The following ABI3BP variants were observed in gnomAD, a reference collection of about 807,000 sequenced individuals.
The protein encoded by ABI3BP is target of Nesh-SH3.
ABI3BP carries 216 observed loss-of-function variants against 268.6 expected under a neutral mutation model. The ratio of observed to expected loss-of-function variants is 0.80; its 90% CI spans 0.72 to 0.90. The LOEUF is 0.90. Ranked by LOEUF, ABI3BP falls within the 40% of genes least tolerant of loss-of-function variation. The pLI is 0.00. For missense variants in ABI3BP, 2,090 were observed against 2,182.4 expected (o/e 0.96, Z 0.84); for synonymous variants, 730 against 730.0 (o/e 1.00, Z 0.00).
At chr3:100,825,973 G>T in intron 34 of ABI3BP, 129 bp from the exon 35 acceptor site, 1 of 710,722 alleles carries the variant, frequency 1.4e-6, no homozygotes, top group Non-Finnish European at 2.4e-6. Flanking sequence ...AGGGCATTAG[G>T]ACTGAATTAT....
At chr3:100,886,109 A>T in intron 5 of ABI3BP, 33 bp downstream of exon 5, 1 of 1,505,592 alleles carries the variant, frequency 6.6e-7, no homozygotes, top group Non-Finnish European at 8.9e-7. Flanking sequence ...AAATTATAAA[A>T]GCTTACTGAA....
intron 2 of ABI3BP, among the ~76,000 whole-genome samples, chr3:100,907,161 A>C (rs978564532): frequency 2.6e-5 from 4 of 152,242 alleles, no homozygotes; most frequent in African/African-American, 9.6e-5. Context: ...AAAGTAGGAA[A>C]AATCATACCT....
chr3:100,760,567 G>A (rs981120422), intron 63 of ABI3BP, among the ~76,000 whole-genome samples: 3 of 152,140 alleles, frequency 2.0e-5, no homozygotes, highest in Admixed American at 6.5e-5. Flanking sequence ...TTAGTTTTCA[G>A]TTTCAGTTCT....
intron 9 of ABI3BP, among the ~76,000 whole-genome samples, chr3:100,867,417 G>A (rs1327440190): frequency 6.6e-6 from 1 of 151,946 alleles, no homozygotes; most frequent in African/African-American, 2.4e-5. Context: ...AGAGGCGGGT[G>A]GATCACGAGG....
At chr3:100,963,775 C>T (rs1248211231) in intron 1 of ABI3BP, among the ~76,000 whole-genome samples, 2 of 152,164 alleles carry the variant, frequency 1.3e-5, no homozygotes, top group African/African-American at 4.8e-5. Context: ...AGGGTGTCTG[C>T]TCAGAGCTGG....
At chr3:100,844,131 A>T (rs2098740998) in intron 20 of ABI3BP, 1 of 985,044 alleles carries the variant, frequency 1.0e-6, no homozygotes. Flanking sequence ...AACAAAGCTG[A>T]GTGGTCTGTA....
intron 2 of ABI3BP, among the ~76,000 whole-genome samples, chr3:100,909,462 C>T (rs1359771916): frequency 6.6e-6 from 1 of 151,694 alleles, no homozygotes; most frequent in Non-Finnish European, 1.5e-5. Flanking sequence ...AAGAAACTAC[C>T]ATCAGAGTGA....
intron 49 of ABI3BP, among the ~76,000 whole-genome samples, chr3:100,810,170 C>G (rs2097820304): frequency 6.6e-6 from 1 of 152,098 alleles, no homozygotes; most frequent in East Asian, 1.9e-4. Context: ...TTCCCAGAAG[C>G]ATTCCTATTC....
intron 61 of ABI3BP, among the ~76,000 whole-genome samples, chr3:100,772,946 G>A (rs533414518): frequency 6.6e-6 from 1 of 151,654 alleles, no homozygotes; most frequent in African/African-American, 2.4e-5. Flanking sequence ...GGATGGTGAC[G>A]GGCACCTGTA....
intron 50 of ABI3BP, among the ~76,000 whole-genome samples, chr3:100,806,620 G>A (rs1373259868): frequency 2.0e-5 from 3 of 152,048 alleles, no homozygotes; most frequent in Non-Finnish European, 4.4e-5. Context: ...CTTACATTAA[G>A]TAGCACTGAC....
chr3:100,884,702 C>G (rs991539322), intron 6 of ABI3BP, among the ~76,000 whole-genome samples: 1 of 151,894 alleles, frequency 6.6e-6, no homozygotes, highest in Non-Finnish European at 1.5e-5. Flanking sequence ...AGTCTTTGCA[C>G]GTTCATTTGA....
chr3:100,957,446 A>G (rs551433895), intron 1 of ABI3BP, among the ~76,000 whole-genome samples: 1 of 152,330 alleles, frequency 6.6e-6, no homozygotes, highest in South Asian at 2.1e-4. Flanking sequence ...AGAGATATTA[A>G]GTAGGGAGTT....
At chr3:100,751,507 TAATCTGTAAA>T in intron 67 of ABI3BP, 35 bp downstream of exon 67, 1 of 1,486,410 alleles carries the variant, frequency 6.7e-7, no homozygotes, top group Non-Finnish European at 9.0e-7. Context: ...CTTTCTGAGT[TAATCTGTAAA>T]ACTCTGTTCT....
At chr3:100,790,409 GT>G (rs1181131833) in intron 55 of ABI3BP, among the ~76,000 whole-genome samples, 1 of 151,888 alleles carries the variant, frequency 6.6e-6, no homozygotes, top group Non-Finnish European at 1.5e-5. Context: ...TGCAAACTTT[GT>G]AAGTAGATTA....
rs1222697780 is a variant in ABI3BP, at chr3:100,796,467, A to G, written c.3759T>C (p.Ala1253=). 2 of 1,601,318 alleles carry G rather than the reference A, an allele frequency of 1.2e-6. No homozygotes were observed. Among genetic ancestry groups the G allele is most frequent in the Non-Finnish European group, 1.7e-6 (2 of 1,173,468 alleles). ...TATGAGGAAGGAGCACATCTTTTGG[A>G]GCTGAAAGAAAAAGATTATAAAACA... is the stretch of plus-strand genomic sequence containing the variant. ...PSPEVSYTTP[A]PKDVLLPHKP... Residue 1253 remains alanine (A), a splice_region_variant and synonymous_variant, in exon 52 of 68, where the codon GCT becomes GCC. Transcript: ENST00000471714.
intron 14 of ABI3BP, among the ~76,000 whole-genome samples, chr3:100,862,094 T>C (rs947798389): frequency 1.3e-5 from 2 of 152,218 alleles, no homozygotes; most frequent in Non-Finnish European, 2.9e-5. Flanking sequence ...TAAGATGTTA[T>C]AGTATCCAGA....
intron 59 of ABI3BP, among the ~76,000 whole-genome samples, chr3:100,777,643 G>T (rs558228483): frequency 6.6e-6 from 1 of 152,268 alleles, no homozygotes; most frequent in Non-Finnish European, 1.5e-5. Flanking sequence ...GAGGAGTCAG[G>T]GGAGGTTTTT....
intron 1 of ABI3BP, among the ~76,000 whole-genome samples, chr3:100,959,817 A>C (rs2078318876): frequency 6.6e-6 from 1 of 152,332 alleles, no homozygotes; most frequent in Admixed American, 6.5e-5. Context: ...ACTCAGCTCA[A>C]CTAATGACCC....
intron 26 of ABI3BP, among the ~76,000 whole-genome samples, chr3:100,837,563 C>G (rs1017815214): frequency 1.3e-5 from 2 of 152,124 alleles, no homozygotes; most frequent in African/African-American, 4.8e-5. Context: ...AAAGACCAGC[C>G]TGGCCAACAT....
Sources: allele counts gnomAD v4.1 joint callset (sites outside exome capture counted in the v4.1 genomes callset), GRCh38; gene constraint gnomAD v4.1.1; transcripts MANE v1.5; gene names NCBI Gene and HGNC (gene_info 2026-07-23, HGNC 2026-07-21).